The following NTRK3 variants were observed in gnomAD, a reference collection of about 807,000 sequenced individuals.
The protein encoded by NTRK3 is NT-3 growth factor receptor.
NTRK3 carries 24 observed loss-of-function variants against 91.7 expected under a neutral mutation model. The observed-to-expected ratio is 0.26, with a 90% CI of 0.19 to 0.37. NTRK3 has a LOEUF of 0.37. Ranked by LOEUF, NTRK3 falls within the 10% of genes least tolerant of loss-of-function variation. The pLI, the probability that NTRK3 is intolerant of heterozygous loss-of-function variation, is 1.00. For synonymous variants in NTRK3, 483 were observed against 404.0 expected, an observed-to-expected ratio of 1.20 and a Z score of -2.34; for missense variants, 880 against 1,068.9, an observed-to-expected ratio of 0.82 and a Z score of 2.46.
chr15:88,136,485 C>T (rs2151208167), exon 8 of NTRK3: 1 of 1,614,176 alleles, frequency 6.2e-7, no homozygotes, highest in Non-Finnish European at 8.5e-7. Flanking sequence ...TGTTGATGGA[C>T]TGCAGCCCAG....
chr15:87,986,169 G>A (rs989611335), intron 14 of NTRK3, among the ~76,000 whole-genome samples: 3 of 152,156 alleles, frequency 2.0e-5, no homozygotes, highest in Non-Finnish European at 4.4e-5. Context: ...AGAGAATCTC[G>A]GGTATTAATA....
At position 87,981,312 on chromosome 15, in the gene NTRK3, T is replaced by G. The variant is rs754318135; in HGVS notation, c.1586-40559A>C. ...AGTTGATGGGACTAGATGATCTCTA[T>G]TGTCCTTCAAGTTTAATATCCCATG... On this transcript the variant is annotated intron_variant, in intron 14 of 18. Coordinates refer to ENST00000394480, the Ensembl canonical transcript of NTRK3. The G allele has an allele frequency of 1.9e-6, 3 of 1,601,644 alleles. No homozygotes were observed. In the South Asian group the frequency reaches 3.3e-5, roughly 18 times the overall value.
intron 5 of NTRK3, among the ~76,000 whole-genome samples, chr15:88,178,408 T>C (rs943162878): frequency 6.6e-6 from 1 of 152,214 alleles, no homozygotes; most frequent in Non-Finnish European, 1.5e-5. Flanking sequence ...TCTTTTCCTA[T>C]CCGCACAGCA....
At chr15:87,929,057 C>T in intron 17 of NTRK3, 134 bp downstream of exon 17, 11 of 1,325,196 alleles carry the variant, frequency 8.3e-6, no homozygotes, top group Non-Finnish European at 1.2e-5. Flanking sequence ...CAAAAGATAA[C>T]TGTTGAGTGC....
exon 19 of NTRK3, chr15:87,865,183 A>G (rs2064633468): frequency 4.8e-6 from 1 of 207,326 alleles, no homozygotes. Flanking sequence ...TGATCAAAAT[A>G]CTTTTAGAAA....
At chr15:87,865,798 A>G (rs1166943598) in exon 19 of NTRK3, 1 of 228,220 alleles carries the variant, frequency 4.4e-6, no homozygotes, top group Non-Finnish European at 8.7e-6. Context: ...GTCCCTTTCC[A>G]GTGACTAAGC....
At chr15:88,077,494 C>G (rs187138007) in intron 13 of NTRK3, among the ~76,000 whole-genome samples, 4 of 152,138 alleles carry the variant, frequency 2.6e-5, no homozygotes, top group Admixed American at 6.5e-5. Context: ...TGGAAAGCCA[C>G]GTGCAAATCA....
intron 5 of NTRK3, among the ~76,000 whole-genome samples, chr15:88,165,408 A>G (rs1293013416): frequency 1.3e-5 from 2 of 152,196 alleles, no homozygotes; most frequent in African/African-American, 4.8e-5. Flanking sequence ...CACTACTGCT[A>G]TGGCTGACCT....
intron 14 of NTRK3, among the ~76,000 whole-genome samples, chr15:87,976,378 A>G (rs1466517568): frequency 1.3e-5 from 2 of 152,212 alleles, no homozygotes; most frequent in Non-Finnish European, 2.9e-5. Context: ...AGCCTGATCA[A>G]CTTCCTGTCA....
chr15:88,031,313 T>C (rs2078513412), intron 14 of NTRK3, among the ~76,000 whole-genome samples: 1 of 152,118 alleles, frequency 6.6e-6, no homozygotes, highest in Non-Finnish European at 1.5e-5. Flanking sequence ...ATATTGAACA[T>C]AGCAATGTCT....
At chr15:88,098,463 C>T (rs1046305325) in intron 13 of NTRK3, 2 of 201,960 alleles carry the variant, frequency 9.9e-6, no homozygotes, top group Non-Finnish European at 2.0e-5. Context: ...CAGCAAGCCT[C>T]GCGCATGAGA....
chr15:88,031,184 G>A (rs973557263), intron 14 of NTRK3, among the ~76,000 whole-genome samples: 4 of 152,164 alleles, frequency 2.6e-5, no homozygotes, highest in African/African-American at 9.7e-5. Context: ...AATGTGACCC[G>A]AGGCTCACAG....
At chr15:88,137,278 G>T in intron 7 of NTRK3, 126 bp downstream of exon 7, 1 of 1,086,668 alleles carries the variant, frequency 9.2e-7, no homozygotes, top group Non-Finnish European at 1.4e-6. Flanking sequence ...CACAACTGCA[G>T]AGTTCAAGGC....
intron 13 of NTRK3, among the ~76,000 whole-genome samples, chr15:88,059,686 C>T (rs937350064): frequency 7.2e-5 from 11 of 152,048 alleles, no homozygotes; most frequent in East Asian, 3.9e-4. Context: ...GAGCTATGGT[C>T]GGGGGATAAA....
intron 15 of NTRK3, among the ~76,000 whole-genome samples, chr15:87,939,632 T>C (rs968328606): frequency 1.3e-5 from 2 of 152,180 alleles, no homozygotes; most frequent in Non-Finnish European, 2.9e-5. Flanking sequence ...GGGACCATTG[T>C]GAGGTCTGGG....
chr15:88,205,189 T>A (rs2048635054), intron 3 of NTRK3, among the ~76,000 whole-genome samples: 1 of 152,204 alleles, frequency 6.6e-6, no homozygotes, highest in Non-Finnish European at 1.5e-5. Context: ...ACGAGGGATC[T>A]GGATTCAGGG....
intron 17 of NTRK3, among the ~76,000 whole-genome samples, chr15:87,894,438 A>T (rs1352209036): frequency 1.3e-5 from 2 of 152,190 alleles, no homozygotes; most frequent in African/African-American, 2.4e-5. Flanking sequence ...TGTGTGTGAC[A>T]ATGCATGTGC....
intron 17 of NTRK3, among the ~76,000 whole-genome samples, chr15:87,922,774 G>A (rs771478363): frequency 6.6e-6 from 1 of 152,168 alleles, no homozygotes; most frequent in Non-Finnish European, 1.5e-5. Flanking sequence ...ATTTGGAATA[G>A]AAGTTGCTCT....
At chr15:87,882,205 A>G (rs1200172853) in intron 17 of NTRK3, among the ~76,000 whole-genome samples, 1 of 152,144 alleles carries the variant, frequency 6.6e-6, no homozygotes, top group Non-Finnish European at 1.5e-5. Context: ...CAGAAAAGTT[A>G]TTTTCAACCT....
Sources: gnomAD v4.1 joint callset for allele counts (sites outside exome capture counted in the v4.1 genomes callset) on GRCh38, gnomAD v4.1.1 for gene constraint, MANE v1.5 for transcripts, NCBI Gene and HGNC (gene_info 2026-07-23, HGNC 2026-07-21) for gene names.